PCDHGB5: variants seen among roughly 807,000 people sequenced by gnomAD.
PCDHGB5 encodes the protein protocadherin gamma-B5.
PCDHGB5 carries 48 observed loss-of-function variants against 62.9 expected under a neutral mutation model. That is an observed-to-expected ratio of 0.76 (90% CI 0.61 to 0.97). The LOEUF (loss-of-function observed/expected upper bound fraction) is 0.97. Ranked by LOEUF, PCDHGB5 falls within the 50% of genes least tolerant of loss-of-function variation. PCDHGB5 has a pLI of 0.00. For synonymous variants in PCDHGB5, 474 were observed against 511.2 expected, an observed-to-expected ratio of 0.93 and a Z score of 0.98; for missense variants, 1,118 against 1,198.6, an observed-to-expected ratio of 0.93 and a Z score of 0.99.
At chr5:141,478,618 G>A (rs1374855853) in intron 1 of PCDHGB5, 1 of 1,556,056 alleles carries the variant, frequency 6.4e-7, no homozygotes, top group Non-Finnish European at 8.7e-7. Flanking sequence ...GGAAGGAATG[G>A]AGCTGTTTTT....
chr5:141,489,636 C>A lies in PCDHGB5; in HGVS notation c.2398-5171C>A, dbSNP rs753380268. 3.8e-5 allele frequency: 62 copies of A among 1,614,074 alleles called. No individual in the cohort carries two copies. The highest frequency in any genetic ancestry group is 5.1e-5 in the Non-Finnish European group (60 of 1,180,038). ...TGGATCTCAATGACAACTCTCCTAG[C>A]TTTGCCACCCCTGAGCGAGAGATGC... is the stretch of plus-strand genomic sequence containing the variant. On this transcript the variant is annotated intron_variant, in intron 1 of 3. Coordinates refer to ENST00000617380, the MANE Select transcript of PCDHGB5 (RefSeq NM_018925.3). The surrounding 1 kb of genome is among the most constrained non-coding windows in gnomAD (Gnocchi z 4.5).
intron 2 of PCDHGB5, among the ~76,000 whole-genome samples, chr5:141,500,020 T>A (rs905529317): frequency 6.6e-6 from 1 of 151,918 alleles, no homozygotes; most frequent in Non-Finnish European, 1.5e-5. Flanking sequence ...ACATTTTATA[T>A]TTGAGTGAGT....
chr5:141,423,195 G>C, intron 1 of PCDHGB5: 14 of 1,613,544 alleles, frequency 8.7e-6, no homozygotes, highest in Non-Finnish European at 1.2e-5. Flanking sequence ...CCCCTCTCTC[G>C]GCCACCGTCA....
chr5:141,469,112 A>T (rs1207790108), intron 1 of PCDHGB5, among the ~76,000 whole-genome samples: 1 of 151,698 alleles, frequency 6.6e-6, no homozygotes, highest in African/African-American at 2.4e-5. Flanking sequence ...ACCTGTCTCT[A>T]AAAAAATTTA....
At chr5:141,465,504 G>T (rs2099104593) in intron 1 of PCDHGB5, among the ~76,000 whole-genome samples, 2 of 152,152 alleles carry the variant, frequency 1.3e-5, no homozygotes. Context: ...GCATTGTCGT[G>T]GTCAGGAAGG....
At chr5:141,510,315 G>A (rs2099880567) in intron 3 of PCDHGB5, among the ~76,000 whole-genome samples, 1 of 151,324 alleles carries the variant, frequency 6.6e-6, no homozygotes, top group African/African-American at 2.4e-5. Flanking sequence ...TGGAGGCTTG[G>A]AAGAGCACTC....
At chr5:141,428,618 T>C (rs554092834) in intron 1 of PCDHGB5, 1 of 206,012 alleles carries the variant, frequency 4.9e-6, no homozygotes, top group African/African-American at 2.3e-5. Context: ...AATAACAAGA[T>C]AAGCTCTAAC....
chr5:141,423,762 G>GT, intron 1 of PCDHGB5: 1 of 264,254 alleles, frequency 3.8e-6, no homozygotes, highest in Non-Finnish European at 5.6e-6. Context: ...GGGGGGGGGT[G>GT]GGGCGGCATA....
chr5:141,417,783 C>T, intron 1 of PCDHGB5: 1 of 1,474,286 alleles, frequency 6.8e-7, no homozygotes, highest in Non-Finnish European at 9.0e-7. Flanking sequence ...TGTCCTGGGC[C>T]GAATGCTCTT....
At chr5:141,458,403 C>T (rs1057108239) in intron 1 of PCDHGB5, among the ~76,000 whole-genome samples, 6 of 152,136 alleles carry the variant, frequency 3.9e-5, no homozygotes, top group African/African-American at 1.2e-4. Context: ...CTTGCAGAGA[C>T]GGAGCGGGGG....
At chr5:141,413,128 CA>C in intron 1 of PCDHGB5, 1 of 1,534,686 alleles carries the variant, frequency 6.5e-7, no homozygotes, top group Non-Finnish European at 8.8e-7. Flanking sequence ...GGTTGAAACA[CA>C]CAACGTGTCC....
At chr5:141,505,977 G>A (rs944259753) in intron 3 of PCDHGB5, among the ~76,000 whole-genome samples, 1 of 152,150 alleles carries the variant, frequency 6.6e-6, no homozygotes, top group East Asian at 1.9e-4. Flanking sequence ...CCAGCCGAGA[G>A]AACACCTCCT....
chr5:141,426,909 G>A (rs1293364217), intron 1 of PCDHGB5: 1 of 456,744 alleles, frequency 2.2e-6, no homozygotes, highest in Non-Finnish European at 4.4e-6. Flanking sequence ...TCATCTCCTG[G>A]TCCTGGAAGC....
intron 1 of PCDHGB5, among the ~76,000 whole-genome samples, chr5:141,450,572 T>A (rs1276283357): frequency 6.6e-6 from 1 of 151,710 alleles, no homozygotes; most frequent in African/African-American, 2.4e-5. Flanking sequence ...CTGCAACTTC[T>A]GCCTCCCAGG....
rs961341807 is a variant in PCDHGB5 at position 141,486,262 on chromosome 5, A to G, written c.2398-8545A>G. The G allele has an allele frequency of 6.2e-6, 10 of 1,613,912 alleles. No individual in the cohort carries two copies. Among genetic ancestry groups the G allele is most frequent in the Non-Finnish European group, 8.5e-6 (10 of 1,179,986 alleles). On this transcript the variant is annotated intron_variant, in intron 1 of 3. Transcript: ENST00000617380. This position sits in a 1 kb window ranked among gnomAD's most constrained non-coding sequence, Gnocchi z 5.0. ...AGCTTGGAACCCTCCCCGAGAGTGC[A>G]GAACCTGGCACTGTGGTGGCACTTA...
rs1562065751 is a variant in PCDHGB5, at chr5:141,477,907, C to T, written c.2398-16900C>T. The T allele has an allele frequency of 1.9e-6, 3 of 1,614,164 alleles. No homozygotes were observed. The highest frequency in any genetic ancestry group is 2.2e-5 in the East Asian group (1 of 44,872). ...TAGTGTCACGGGTGGTAGGCTGGGA[C>T]GCGGATGCAGGGCACAATGCCTGGC... On this transcript the variant is annotated intron_variant, in intron 1 of 3. Transcript: ENST00000617380. This position sits in a 1 kb window ranked among gnomAD's most constrained non-coding sequence, Gnocchi z 4.9.
Position 141,399,825 on chromosome 5 carries a change from C to T in PCDHGB5, c.1698C>T (p.Asp566=), listed in dbSNP as rs1439243162. 3 of 1,613,178 alleles carry T rather than the reference C, an allele frequency of 1.9e-6. No individual in the cohort carries two copies. The highest frequency in any genetic ancestry group is 2.5e-6 in the Non-Finnish European group (3 of 1,179,772). ...PRVLYPALGP[D]GSALFDMVPR... ...TGCTGTACCCCGCGCTGGGTCCCGA[C>T]GGCTCTGCGCTCTTCGATATGGTGC... The change falls in exon 1 of 4, where the codon GAC becomes GAT. Residue 566 remains aspartate, a synonymous_variant. Transcript: ENST00000617380.
At chr5:141,414,812 T>C (rs1389980970) in intron 1 of PCDHGB5, 1 of 1,614,172 alleles carries the variant, frequency 6.2e-7, no homozygotes, top group South Asian at 1.1e-5. Flanking sequence ...GATCCTCCAC[T>C]CAGCAGCAAC....
chr5:141,403,210 C>A (rs369033480), intron 1 of PCDHGB5: 2 of 1,613,828 alleles, frequency 1.2e-6, no homozygotes, highest in African/African-American at 2.7e-5. Context: ...CCTTGGTCAC[C>A]GCGGGTAGGA....
Sources: gnomAD v4.1 joint callset for allele counts (sites outside exome capture counted in the v4.1 genomes callset) on GRCh38, gnomAD v4.1.1 for gene constraint, Gnocchi (gnomAD v3.1) non-coding constraint, MANE v1.5 for transcripts, NCBI Gene and HGNC (gene_info 2026-07-23, HGNC 2026-07-21) for gene names.